The following KBTBD12 variants were observed in gnomAD, a reference collection of about 807,000 sequenced individuals.
KBTBD12 encodes the protein kelch repeat and BTB domain containing 12, also known as kelch repeat and BTB domain-containing protein 12.
In KBTBD12, 53 loss-of-function variants were observed where a neutral mutation model predicts 58.7. The observed-to-expected ratio is 0.90, with a 90% CI of 0.72 to 1.14. The LOEUF (loss-of-function observed/expected upper bound fraction) is 1.14. KBTBD12 is among the 50% of genes most tolerant of loss of function. The pLI, the probability that KBTBD12 is intolerant of heterozygous loss-of-function variation, is 0.00. For synonymous variants in KBTBD12, 236 were observed against 259.8 expected (o/e 0.91, Z 0.88); for missense variants, 704 against 751.3 (o/e 0.94, Z 0.74).
chr3:127,929,461 T>G (rs1396215869), intron 3 of KBTBD12, among the ~76,000 whole-genome samples: 1 of 152,178 alleles, frequency 6.6e-6, no homozygotes, highest in African/African-American at 2.4e-5. Context: ...AAATATTATT[T>G]CACCTAACAT....
Position 127,923,383 on chromosome 3 carries a change from G to C in KBTBD12, c.322G>C (p.Ala108Pro). Residue 108 changes from alanine to proline, a missense_variant, in exon 2 of 6, where the codon GCC (alanine) becomes CCC (proline). Ala to Pro is a conservative substitution (Grantham distance 27). Coordinates refer to ENST00000405109, the MANE Select transcript of KBTBD12 (RefSeq NM_207335.4). ...NANVQTVAMA[A>P]YFMQMEEVFS... ...CAATGTACAGACTGTAGCTATGGCTGCCTATTTTATGCAGATGGAAGAAGT... is the reference window on the plus strand; with the variant it reads ...CAATGTACAGACTGTAGCTATGGCTCCCTATTTTATGCAGATGGAAGAAGT... The C allele has an allele frequency of 6.2e-7, 1 of 1,613,668 alleles. No individual in the cohort carries two copies. The highest frequency in any genetic ancestry group is 8.5e-7 in the Non-Finnish European group (1 of 1,179,786).
Position 127,984,209 on chromosome 3 carries a change from A to G in KBTBD12, c.1803A>G (p.Val601=). Residue 601 remains valine, a synonymous_variant, in exon 6 of 6, where the codon GTA becomes GTG. Coordinates refer to ENST00000405109, the MANE Select transcript of KBTBD12 (RefSeq NM_207335.4). Reference sequence around the variant, plus strand: ...ATGACAGCTATGATGTCTGCCTAGTAGCCAGGATGAATCCCCGAGACCTCA... The same window carrying G: ...ATGACAGCTATGATGTCTGCCTAGTGGCCAGGATGAATCCCCGAGACCTCA... ...LMHDSYDVCL[V]ARMNPRDLIP... 1 of 1,613,998 alleles carries G rather than the reference A, an allele frequency of 6.2e-7. No homozygotes were observed. Among genetic ancestry groups the G allele is most frequent in the Non-Finnish European group, 8.5e-7 (1 of 1,179,880 alleles).
chr3:127,960,516 C>A (rs1320202830), intron 4 of KBTBD12, among the ~76,000 whole-genome samples: 1 of 152,170 alleles, frequency 6.6e-6, no homozygotes, highest in Non-Finnish European at 1.5e-5. Context: ...CATTGAAATT[C>A]TACAGATGTA....
intron 1 of KBTBD12, among the ~76,000 whole-genome samples, chr3:127,916,418 G>T (rs542755474): frequency 6.6e-6 from 1 of 152,198 alleles, no homozygotes; most frequent in African/African-American, 2.4e-5. Context: ...GTATAAACTG[G>T]GGGTCACAAA....
In KBTBD12 at chr3:127,927,979, A is replaced by G; in HGVS notation, c.1286A>G (p.His429Arg). Reference sequence around the variant, plus strand: ...CCCCTTCCACTGCAATTGGCATGTCATGCTGTAGTGACAGTGAATAATAAA... The same window carrying G: ...CCCCTTCCACTGCAATTGGCATGTCGTGCTGTAGTGACAGTGAATAATAAA... ...VSPLPLQLAC[H>R]AVVTVNNKLY... Residue 429 changes from histidine to arginine, a missense_variant, in exon 3 of 6, where the codon CAT becomes CGT. By Grantham distance (29) the His-to-Arg change is conservative. Transcript: ENST00000405109. 1 of 1,613,598 alleles carries G rather than the reference A, an allele frequency of 6.2e-7. No individual in the cohort carries two copies. Among genetic ancestry groups the G allele is most frequent in the Non-Finnish European group, 8.5e-7 (1 of 1,179,640 alleles).
intron 4 of KBTBD12, among the ~76,000 whole-genome samples, chr3:127,944,857 C>T (rs1478599216): frequency 6.6e-6 from 1 of 151,810 alleles, no homozygotes; most frequent in East Asian, 1.9e-4. Flanking sequence ...ACATTTTATT[C>T]TATTTTATTT....
intron 5 of KBTBD12, among the ~76,000 whole-genome samples, chr3:127,983,770 C>T (rs942391368): frequency 2.0e-5 from 3 of 151,786 alleles, no homozygotes; most frequent in Admixed American, 6.6e-5. Flanking sequence ...AACAGTCTGG[C>T]TTTCTTGATT....
At position 127,951,367 on chromosome 3, in the gene KBTBD12, A is replaced by T. The variant is rs546434836; in HGVS notation, c.1493-11822A>T. Among the ~76,000 whole-genome samples, 30 of 152,284 alleles carry T rather than the reference A, an allele frequency of 2.0e-4. No individual in the cohort carries two copies. In the East Asian group the frequency reaches 5.6e-3, roughly 28 times the overall value. On this transcript the variant is annotated intron_variant, in intron 4 of 5. Coordinates refer to ENST00000405109, the MANE Select transcript of KBTBD12 (RefSeq NM_207335.4). ...GTTTGGTTTAATGTTGGTTACAAAG[A>T]TGAGAGTGGATTGCTGTTCCTCAGA...
rs1940962301 is a variant in KBTBD12, at chr3:127,986,210, T to G, written c.*1932T>G. On this transcript the variant is annotated 3_prime_UTR_variant, in exon 6 of 6. Transcript: ENST00000405109. ...CCGCTCTGCTACTTAGCTAACCATGTGAACTTGGGCAAGATGACCTTTCTA... is the reference window on the plus strand; with the variant it reads ...CCGCTCTGCTACTTAGCTAACCATGGGAACTTGGGCAAGATGACCTTTCTA... 1 of 152,672 alleles carries G rather than the reference T, an allele frequency of 6.5e-6. No individual in the cohort carries two copies. The highest frequency in any genetic ancestry group is 1.5e-5 in the Non-Finnish European group (1 of 68,062). The allele number at this position is 152,672 out of a possible 1,614,324, so 9.5% of individuals were successfully genotyped here. A position where few individuals can be genotyped will look rare whatever the true frequency, so the allele number is the denominator to read the frequency against.
chr3:127,979,430 A>G (rs754654837), intron 5 of KBTBD12, among the ~76,000 whole-genome samples: 5 of 152,204 alleles, frequency 3.3e-5, no homozygotes, highest in Non-Finnish European at 7.3e-5. Context: ...ATTTGCATGG[A>G]CTTTTTCAGA....
At chr3:127,965,499 G>C (rs1484930844) in intron 5 of KBTBD12, among the ~76,000 whole-genome samples, 3 of 152,190 alleles carry the variant, frequency 2.0e-5, no homozygotes, top group South Asian at 2.1e-4. Context: ...ACCTAAAACA[G>C]ACACTAAATG....
intron 5 of KBTBD12, among the ~76,000 whole-genome samples, chr3:127,980,383 G>A (rs1452856020): frequency 6.6e-6 from 1 of 152,142 alleles, no homozygotes; most frequent in Admixed American, 6.5e-5. Flanking sequence ...AGGCTGGAAT[G>A]CAGTGGTGCA....
chr3:127,940,975 A>G (rs897435256), intron 4 of KBTBD12, among the ~76,000 whole-genome samples: 1 of 152,218 alleles, frequency 6.6e-6, no homozygotes. Context: ...CAATTCTTTG[A>G]AAACCACAAA....
chr3:127,948,335 G>A (rs1037481699), intron 4 of KBTBD12, among the ~76,000 whole-genome samples: 3 of 95,246 alleles, frequency 3.1e-5, no homozygotes, highest in Admixed American at 2.6e-4. Context: ...TTACCTTGAG[G>A]AAGCTGAGGG....
chr3:127,916,702 A>G (rs547641964), intron 1 of KBTBD12, among the ~76,000 whole-genome samples: 1 of 149,780 alleles, frequency 6.7e-6, no homozygotes, highest in East Asian at 2.0e-4. Context: ...ACAAAACAAA[A>G]AGCAAAAAAA....
chr3:127,918,148 AAAAT>A (rs2107584516), intron 1 of KBTBD12, among the ~76,000 whole-genome samples: 1 of 152,324 alleles, frequency 6.6e-6, no homozygotes, highest in East Asian at 1.9e-4. Flanking sequence ...CCCTGTCTCT[AAAAT>A]AAATAAGTAA....
intron 4 of KBTBD12, among the ~76,000 whole-genome samples, chr3:127,936,131 C>T (rs1330156046): frequency 2.6e-5 from 4 of 151,950 alleles, no homozygotes; most frequent in African/African-American, 7.3e-5. Flanking sequence ...TTTGGGAGGC[C>T]GAGGTAGGCG....
At chr3:127,957,801 A>C (rs1398082010) in intron 4 of KBTBD12, among the ~76,000 whole-genome samples, 3 of 152,202 alleles carry the variant, frequency 2.0e-5, no homozygotes, top group Non-Finnish European at 2.9e-5. Flanking sequence ...TCTGCCCTCA[A>C]GGGACTTACA....
At chr3:127,925,897 T>A (rs1043436768) in intron 2 of KBTBD12, among the ~76,000 whole-genome samples, 1 of 152,212 alleles carries the variant, frequency 6.6e-6, no homozygotes, top group Non-Finnish European at 1.5e-5. Flanking sequence ...CCTGTTATAT[T>A]ATTTGTGTAT....
Sources: gnomAD v4.1 joint callset for allele counts (sites outside exome capture counted in the v4.1 genomes callset) on GRCh38, gnomAD v4.1.1 for gene constraint, MANE v1.5 for transcripts, NCBI Gene and HGNC (gene_info 2026-07-23, HGNC 2026-07-21) for gene names.